Variants in LRGUK observed in about 807,000 individuals in gnomAD.
LRGUK encodes the protein leucine rich repeats and guanylate kinase domain containing, also known as leucine-rich repeat and guanylate kinase domain-containing protein.
In LRGUK, 65 loss-of-function variants were observed where a neutral mutation model predicts 76.0. The ratio of observed to expected loss-of-function variants is 0.85; its 90% CI spans 0.70 to 1.05. The LOEUF is 1.05. Among genes scored for constraint, LRGUK ranks in the 50% least tolerant of loss-of-function variants. The pLI is 0.00. For synonymous variants in LRGUK, 268 were observed against 265.6 expected (o/e 1.01, Z -0.09); for missense variants, 758 against 732.8 (o/e 1.03, Z -0.40).
intron 4 of LRGUK, 112 bp downstream of exon 4, chr7:134,143,274 C>A: frequency 2.9e-6 from 2 of 679,672 alleles, no homozygotes; most frequent in Non-Finnish European, 2.6e-6. Flanking sequence ...CAGAGGTAAG[C>A]AATGTAAGTG....
At chr7:134,188,481 A>G (rs1800065834) in intron 11 of LRGUK, among the ~76,000 whole-genome samples, 1 of 152,140 alleles carries the variant, frequency 6.6e-6, no homozygotes, top group African/African-American at 2.4e-5. Context: ...GGAAGTCTGG[A>G]GACAAGCAGA....
chr7:134,224,164 T>A (rs752028729), intron 16 of LRGUK, among the ~76,000 whole-genome samples: 1 of 152,184 alleles, frequency 6.6e-6, no homozygotes, highest in Non-Finnish European at 1.5e-5. Flanking sequence ...ATCAGTTCTT[T>A]AATGTCCCCT....
chr7:134,253,616 AC>A (rs1396931441), intron 18 of LRGUK, among the ~76,000 whole-genome samples: 4 of 152,192 alleles, frequency 2.6e-5, no homozygotes, highest in Non-Finnish European at 5.9e-5. Context: ...GGAGTTCAAG[AC>A]CAGCCTGGCC....
chr7:134,195,238 T>C (rs1260008314), intron 12 of LRGUK, among the ~76,000 whole-genome samples: 1 of 152,202 alleles, frequency 6.6e-6, no homozygotes, highest in Non-Finnish European at 1.5e-5. Context: ...TCTTGTAGCC[T>C]CCAGCTGCAT....
intron 16 of LRGUK, among the ~76,000 whole-genome samples, chr7:134,230,605 A>G (rs892973439): frequency 1.3e-5 from 2 of 152,224 alleles, no homozygotes; most frequent in Non-Finnish European, 2.9e-5. Flanking sequence ...CAGCAGTAGA[A>G]CAGCTATGTA....
intron 5 of LRGUK, among the ~76,000 whole-genome samples, chr7:134,154,831 A>C (rs6964460): frequency 0.75 from 114,736 of 152,138 alleles, 43,920 homozygotes; most frequent in African/African-American, 0.87. Flanking sequence ...AGAGAGTAAG[A>C]TGGATGTGCC....
intron 15 of LRGUK, among the ~76,000 whole-genome samples, chr7:134,218,244 C>G (rs1250716137): frequency 6.6e-6 from 1 of 152,086 alleles, no homozygotes; most frequent in East Asian, 1.9e-4. Flanking sequence ...TTACAAAGCC[C>G]CATTTGAGTG....
At chr7:134,181,033 A>G (rs1432563327) in intron 10 of LRGUK, among the ~76,000 whole-genome samples, 2 of 152,200 alleles carry the variant, frequency 1.3e-5, no homozygotes, top group African/African-American at 4.8e-5. Context: ...TTGTCAAAAC[A>G]TACAGCCATC....
chr7:134,257,940 G>A (rs1413004039), intron 18 of LRGUK, among the ~76,000 whole-genome samples: 1 of 152,148 alleles, frequency 6.6e-6, no homozygotes, highest in Non-Finnish European at 1.5e-5. Flanking sequence ...CTGGAGATTA[G>A]GATCTGCGCC....
chr7:134,272,306 T>C, the LRGUK span, among the ~76,000 whole-genome samples: 2 of 152,146 alleles, frequency 1.3e-5, no homozygotes, highest in Non-Finnish European at 2.9e-5. Context: ...ATTCAAACCA[T>C]TTATTTCCTT....
intron 9 of LRGUK, among the ~76,000 whole-genome samples, chr7:134,177,425 C>T (rs761532407): frequency 9.2e-5 from 14 of 152,200 alleles, no homozygotes; most frequent in Non-Finnish European, 1.8e-4. Flanking sequence ...CTGAAAAATT[C>T]ATTTAACAAT....
chr7:134,159,681 C>T (rs1050112571), intron 6 of LRGUK, among the ~76,000 whole-genome samples: 6 of 152,044 alleles, frequency 3.9e-5, no homozygotes, highest in African/African-American at 1.4e-4. Context: ...CCCAGCTACT[C>T]GGGAGGCTGA....
intron 3 of LRGUK, among the ~76,000 whole-genome samples, chr7:134,140,683 G>GT (rs1485099452): frequency 6.1e-5 from 9 of 147,832 alleles, no homozygotes; most frequent in African/African-American, 2.3e-4. Context: ...TTGATTCTGG[G>GT]GTTTTTTTCC....
intron 19 of LRGUK, among the ~76,000 whole-genome samples, chr7:134,261,034 G>A (rs1337098638): frequency 6.6e-6 from 1 of 152,096 alleles, no homozygotes; most frequent in Non-Finnish European, 1.5e-5. Context: ...TCCTGGACTG[G>A]GCATTTGTTT....
chr7:134,131,748 G>C (rs1340904999), intron 1 of LRGUK, among the ~76,000 whole-genome samples: 1 of 152,168 alleles, frequency 6.6e-6, no homozygotes, highest in African/African-American at 2.4e-5. Context: ...GAGAAGAGCT[G>C]TTATCTATCA....
At chr7:134,148,442 A>C (rs1218237775) in intron 5 of LRGUK, 123 bp downstream of exon 5, 1 of 617,242 alleles carries the variant, frequency 1.6e-6, no homozygotes, top group Non-Finnish European at 2.8e-6. Flanking sequence ...TAGAGACGTG[A>C]CTTATTTAAA....
intron 5 of LRGUK, among the ~76,000 whole-genome samples, chr7:134,156,512 A>G (rs1370385290): frequency 6.6e-6 from 1 of 152,232 alleles, no homozygotes; most frequent in East Asian, 1.9e-4. Context: ...GTTATCTTGA[A>G]GAATGGGTAT....
chr7:134,188,051 G>C (rs1800048306), intron 11 of LRGUK, among the ~76,000 whole-genome samples: 1 of 152,156 alleles, frequency 6.6e-6, no homozygotes, highest in African/African-American at 2.4e-5. Context: ...TTGTAGAATG[G>C]TTCATTTATT....
intron 16 of LRGUK, among the ~76,000 whole-genome samples, chr7:134,225,731 G>A (rs1387350649): frequency 2.0e-5 from 3 of 152,094 alleles, no homozygotes; most frequent in Admixed American, 6.5e-5. Context: ...CAGTGCTCTT[G>A]GAATTTGCAA....
Sources: allele counts gnomAD v4.1 joint callset (sites outside exome capture counted in the v4.1 genomes callset), GRCh38; gene constraint gnomAD v4.1.1; transcripts MANE v1.5; gene names NCBI Gene and HGNC (gene_info 2026-07-23, HGNC 2026-07-21).